PCMTD1: variants seen among roughly 807,000 people sequenced by gnomAD.
The protein encoded by PCMTD1 is protein-L-isoaspartate O-methyltransferase domain-containing protein 1.
A neutral mutation model predicts 37.6 loss-of-function variants in PCMTD1; 12 were observed. The observed-to-expected ratio is 0.32, with a 90% CI of 0.20 to 0.52. The LOEUF (loss-of-function observed/expected upper bound fraction) is 0.52. Ranked by LOEUF, PCMTD1 falls within the 20% of genes least tolerant of loss-of-function variation. The pLI is 0.97. For synonymous variants in PCMTD1, 117 were observed against 135.8 expected, an observed-to-expected ratio of 0.86 and a Z score of 0.96; for missense variants, 235 against 421.3, an observed-to-expected ratio of 0.56 and a Z score of 3.87.
At chr8:51,883,618 C>T (rs909648357) in intron 1 of PCMTD1, among the ~76,000 whole-genome samples, 2 of 152,118 alleles carry the variant, frequency 1.3e-5, no homozygotes, top group Non-Finnish European at 2.9e-5. Flanking sequence ...ATTTTTAAAA[C>T]GTGTTCAGAA....
intron 1 of PCMTD1, among the ~76,000 whole-genome samples, chr8:51,867,282 T>C (rs1260627754): frequency 6.6e-6 from 1 of 152,046 alleles, no homozygotes; most frequent in Non-Finnish European, 1.5e-5. Flanking sequence ...ACAGTATGGC[T>C]AATCAGAAAA....
At chr8:51,884,826 G>A (rs2038842387) in intron 1 of PCMTD1, among the ~76,000 whole-genome samples, 3 of 152,104 alleles carry the variant, frequency 2.0e-5, no homozygotes, top group South Asian at 2.1e-4. Context: ...CAACTTCTCT[G>A]CCATCCAATA....
chr8:51,818,013 T>C lies in PCMTD1; in HGVS notation c.*2338A>G, dbSNP rs1387155254. 2 of 449,344 alleles carry C rather than the reference T, an allele frequency of 4.5e-6. No homozygotes were observed. The highest frequency in any genetic ancestry group is 3.2e-5 in the South Asian group (2 of 63,432). The allele number at this position is 449,344 out of a possible 1,614,324, so 27.8% of individuals were successfully genotyped here. On this transcript the variant is annotated 3_prime_UTR_variant, in exon 6 of 6. Coordinates refer to ENST00000522514, the MANE Select transcript of PCMTD1 (RefSeq NM_052937.4). ...TACTATATTCCCCATCATTTTCACTTACTTTTACTTAATCTTTATTTGCTA... is the reference window on the plus strand; with the variant it reads ...TACTATATTCCCCATCATTTTCACTCACTTTTACTTAATCTTTATTTGCTA...
intron 3 of PCMTD1, among the ~76,000 whole-genome samples, chr8:51,838,600 G>A (rs1019703946): frequency 2.0e-5 from 3 of 152,076 alleles, no homozygotes; most frequent in Non-Finnish European, 4.4e-5. Context: ...CCATGTTATC[G>A]AACACAGTAA....
chr8:51,860,692 T>C (rs1342315751), intron 2 of PCMTD1, 153 bp downstream of exon 2: 2 of 636,178 alleles, frequency 3.1e-6, no homozygotes, highest in East Asian at 2.8e-5. Context: ...AGATTACTAC[T>C]ACTTTGTGTT....
chr8:51,857,360 T>G (rs560348444), intron 2 of PCMTD1, among the ~76,000 whole-genome samples: 5 of 152,202 alleles, frequency 3.3e-5, no homozygotes, highest in African/African-American at 1.2e-4. Context: ...ATCTGTGTAT[T>G]ATATGTTTTA....
chr8:51,833,707 C>T lies in PCMTD1; in HGVS notation c.411-18G>A, dbSNP rs201199670. The T allele has an allele frequency of 5.0e-5, 80 of 1,594,162 alleles. No individual in the cohort carries two copies. Among genetic ancestry groups the T allele is most frequent in the Middle Eastern group, 3.3e-4 (2 of 6,030 alleles). ...ACTCAAATCTGCATTGAAAAACAAA[C>T]ATTTTAATTCAATTAAGCAAAACAT... On this transcript the variant is annotated intron_variant, in intron 3 of 5. Coordinates refer to ENST00000522514, the MANE Select transcript of PCMTD1 (RefSeq NM_052937.4).
At chr8:51,845,032 T>C (rs2038198353) in intron 3 of PCMTD1, 1 of 152,248 alleles carries the variant, frequency 6.6e-6, no homozygotes, top group African/African-American at 2.4e-5. Flanking sequence ...TCAGCGTAAG[T>C]GCTCTTGCTC....
chr8:51,862,003 G>A (rs1226348278), intron 1 of PCMTD1, among the ~76,000 whole-genome samples: 4 of 152,086 alleles, frequency 2.6e-5, no homozygotes, highest in African/African-American at 7.2e-5. Context: ...CGTAAGCCAC[G>A]TGCCCGACCT....
intron 2 of PCMTD1, among the ~76,000 whole-genome samples, chr8:51,848,133 T>G (rs2038250412): frequency 6.6e-6 from 1 of 151,956 alleles, no homozygotes; most frequent in Non-Finnish European, 1.5e-5. Flanking sequence ...GAAAAAAATC[T>G]GGTTACATGT....
intron 1 of PCMTD1, among the ~76,000 whole-genome samples, chr8:51,870,612 C>T (rs541610856): frequency 6.6e-6 from 1 of 152,078 alleles, no homozygotes; most frequent in African/African-American, 2.4e-5. Flanking sequence ...TAGTTCTTTA[C>T]CATACTTCTA....
At chr8:51,833,131 C>CA (rs1244771362) in intron 4 of PCMTD1, among the ~76,000 whole-genome samples, 2 of 152,170 alleles carry the variant, frequency 1.3e-5, no homozygotes, top group Admixed American at 1.3e-4. Flanking sequence ...AGGCGTGAGC[C>CA]AGCATGCCTG....
chr8:51,832,401 C>T (rs1218617483), intron 4 of PCMTD1, among the ~76,000 whole-genome samples: 1 of 152,124 alleles, frequency 6.6e-6, no homozygotes, highest in South Asian at 2.1e-4. Context: ...TGACTTGCTA[C>T]AGAGCACAGT....
intron 2 of PCMTD1, among the ~76,000 whole-genome samples, chr8:51,847,601 T>C (rs1209779278): frequency 1.3e-5 from 2 of 151,920 alleles, no homozygotes; most frequent in African/African-American, 4.8e-5. Flanking sequence ...CACTCCAGCA[T>C]GGGTGACAGA....
At position 51,862,450 on chromosome 8, in the gene PCMTD1, A is replaced by G. The variant is rs991805632; in HGVS notation, c.-95-1204T>C. 2.0e-5 allele frequency among the ~76,000 whole-genome samples: 3 copies of G among 152,224 alleles called. No individual in the cohort carries two copies. The South Asian group carries it at 6.2e-4, about 31-fold the overall frequency. On this transcript the variant is annotated intron_variant, in intron 1 of 5. Coordinates refer to ENST00000522514, the MANE Select transcript of PCMTD1 (RefSeq NM_052937.4). ...TGCAAATGTAAGTGCAATTTGAGAA[A>G]ACTAAAAAAATTTCAAAACATAATA...
At chr8:51,867,934 T>G (rs78351522) in intron 1 of PCMTD1, among the ~76,000 whole-genome samples, 3,787 of 152,200 alleles carry the variant, frequency 0.025, 163 homozygotes, top group African/African-American at 0.086. Context: ...CAATGCACTG[T>G]GTTATCTGTG....
At chr8:51,862,439 C>T (rs550837577) in intron 1 of PCMTD1, among the ~76,000 whole-genome samples, 3 of 152,136 alleles carry the variant, frequency 2.0e-5, no homozygotes, top group Admixed American at 6.5e-5. Context: ...AATGTAAGTG[C>T]AATTTGAGAA....
At chr8:51,899,147 C>A (rs1201270241), upstream of PCMTD1, 3 of 1,351,252 alleles carry the variant, frequency 2.2e-6, no homozygotes, top group African/African-American at 1.5e-5. Context: ...CAGCTCCCCG[C>A]GGACGCCAAA....
At chr8:51,826,801 G>T in intron 5 of PCMTD1, 1 of 576,058 alleles carries the variant, frequency 1.7e-6, no homozygotes, top group Non-Finnish European at 2.2e-6. Context: ...TTATGCCCCT[G>T]AACTTTAAAC....
Sources: gnomAD v4.1 joint callset for allele counts (sites outside exome capture counted in the v4.1 genomes callset) on GRCh38, gnomAD v4.1.1 for gene constraint, MANE v1.5 for transcripts, NCBI Gene and HGNC (gene_info 2026-07-23, HGNC 2026-07-21) for gene names.